FBXL13: variants seen among roughly 807,000 people sequenced by gnomAD.
FBXL13 encodes the protein F-box and leucine-rich repeat protein 13.
In FBXL13, 67 loss-of-function variants were observed where a neutral mutation model predicts 83.6. The observed-to-expected ratio is 0.80, with a 90% CI of 0.66 to 0.98. The LOEUF is 0.98. Among genes scored for constraint, FBXL13 ranks in the 50% least tolerant of loss-of-function variants. The pLI is 0.00. For synonymous variants in FBXL13, 272 were observed against 299.5 expected, an observed-to-expected ratio of 0.91 and a Z score of 0.95; for missense variants, 822 against 866.5, an observed-to-expected ratio of 0.95 and a Z score of 0.64.
intron 6 of FBXL13, among the ~76,000 whole-genome samples, chr7:103,018,155 G>A (rs1032155292): frequency 1.3e-5 from 2 of 152,222 alleles, no homozygotes; most frequent in Non-Finnish European, 2.9e-5. Flanking sequence ...CCAGAAGAGA[G>A]TGGGGGCCAA....
At chr7:102,973,911 G>T (rs764525127) in intron 6 of FBXL13, 1 of 655,610 alleles carries the variant, frequency 1.5e-6, no homozygotes, top group Non-Finnish European at 2.7e-6. Context: ...TTAGGGGGAC[G>T]CCTCTAAGCC....
chr7:103,010,797 C>T (rs1472141263), intron 6 of FBXL13, among the ~76,000 whole-genome samples: 4 of 152,160 alleles, frequency 2.6e-5, no homozygotes, highest in Non-Finnish European at 4.4e-5. Flanking sequence ...AGGAAGCACA[C>T]AGACAGAAGA....
chr7:102,913,675 G>A (rs1815225243), intron 10 of FBXL13, among the ~76,000 whole-genome samples: 1 of 152,136 alleles, frequency 6.6e-6, no homozygotes, highest in South Asian at 2.1e-4. Flanking sequence ...AGGAGAGTGA[G>A]GATTTGGGAC....
At chr7:103,055,736 A>G in exon 2 of FBXL13, 2 of 1,271,110 alleles carry the variant, frequency 1.6e-6, no homozygotes, top group South Asian at 1.3e-5. Flanking sequence ...CAAGTATACC[A>G]CATAACAGTG....
At chr7:102,926,399 G>C in intron 9 of FBXL13, 25 bp from the exon 11 acceptor site, 1 of 1,573,170 alleles carries the variant, frequency 6.4e-7, no homozygotes, top group Non-Finnish European at 8.7e-7. Context: ...GAGGGAAGAG[G>C]CTTATCAAAT....
intron 1 of FBXL13, among the ~76,000 whole-genome samples, chr7:103,070,104 C>T (rs1798800226): frequency 6.7e-6 from 1 of 149,894 alleles, no homozygotes; most frequent in Non-Finnish European, 1.5e-5. Flanking sequence ...AAAGAAATTA[C>T]TAGGTATGTA....
intron 2 of FBXL13, among the ~76,000 whole-genome samples, chr7:103,045,422 A>G (rs184844303): frequency 6.6e-6 from 1 of 152,304 alleles, no homozygotes; most frequent in East Asian, 1.9e-4. Flanking sequence ...CATTTTCTCA[A>G]TTTTGAGAGA....
intron 11 of FBXL13, 111 bp from the exon 13 acceptor site, chr7:102,884,423 C>A: frequency 2.6e-6 from 2 of 759,112 alleles, no homozygotes; most frequent in Non-Finnish European, 4.5e-6. Context: ...TTAAAATTAA[C>A]CATAAAATGT....
intron 2 of FBXL13, among the ~76,000 whole-genome samples, chr7:103,053,287 G>A (rs907342553): frequency 2.6e-5 from 4 of 151,598 alleles, no homozygotes; most frequent in South Asian, 2.1e-4. Flanking sequence ...TGAGTAGCTG[G>A]GATTACAGGC....
chr7:102,811,200 A>G (rs1006050205), downstream of FBXL13, among the ~76,000 whole-genome samples: 2 of 152,044 alleles, frequency 1.3e-5, no homozygotes, highest in Non-Finnish European at 2.9e-5. Context: ...CATAAGCATA[A>G]CAGCAGTCAA....
intron 11 of FBXL13, among the ~76,000 whole-genome samples, chr7:102,892,471 A>G (rs1483922374): frequency 6.6e-6 from 1 of 152,210 alleles, no homozygotes; most frequent in Non-Finnish European, 1.5e-5. Flanking sequence ...TAAATTCTAC[A>G]ATTTTTTTTC....
At chr7:102,953,869 T>A (rs1823810278) in intron 8 of FBXL13, among the ~76,000 whole-genome samples, 1 of 152,314 alleles carries the variant, frequency 6.6e-6, no homozygotes, top group South Asian at 2.1e-4. Flanking sequence ...AATAGTATAT[T>A]TTCTATGTAT....
At chr7:102,902,454 C>T (rs570648226) in intron 11 of FBXL13, among the ~76,000 whole-genome samples, 1 of 152,078 alleles carries the variant, frequency 6.6e-6, no homozygotes, top group South Asian at 2.1e-4. Context: ...CTCATTTGTC[C>T]ATGTTTGCTT....
intron 6 of FBXL13, among the ~76,000 whole-genome samples, chr7:102,987,868 C>T (rs1543987): frequency 0.98 from 149,643 of 152,320 alleles, 73,579 homozygotes; most frequent in East Asian, 1. Flanking sequence ...AAGCTGAACA[C>T]GCTAGGGGGT....
At chr7:102,822,153 G>A (rs1355333173) in exon 19 of FBXL13, 32 of 1,614,044 alleles carry the variant, frequency 2.0e-5, no homozygotes, top group Non-Finnish European at 2.5e-5. Flanking sequence ...TATCCAAAAT[G>A]TGCAGGTAAT....
chr7:102,973,343 G>T (rs906440095), intron 6 of FBXL13: 2 of 632,820 alleles, frequency 3.2e-6, no homozygotes, highest in South Asian at 1.6e-5. Context: ...GAAGAGAGCC[G>T]GCCAGAAGAC....
At chr7:102,866,209 T>C (rs1807624554) in intron 16 of FBXL13, among the ~76,000 whole-genome samples, 1 of 152,174 alleles carries the variant, frequency 6.6e-6, no homozygotes, top group Non-Finnish European at 1.5e-5. Flanking sequence ...TCCTACTTGA[T>C]GGAGGTAGAG....
intron 2 of FBXL13, 68 bp from the exon 3 acceptor site, chr7:103,055,246 GT>G: frequency 1.2e-6 from 1 of 849,992 alleles, no homozygotes; most frequent in Non-Finnish European, 1.6e-6. Flanking sequence ...AATTAAATCA[GT>G]GATTCTTGTA....
intron 6 of FBXL13, among the ~76,000 whole-genome samples, chr7:102,987,194 T>C (rs973728689): frequency 6.6e-6 from 1 of 152,052 alleles, no homozygotes; most frequent in Non-Finnish European, 1.5e-5. Context: ...AAAAATAGTA[T>C]ACTATGTACA....
Sources: allele counts gnomAD v4.1 joint callset (sites outside exome capture counted in the v4.1 genomes callset), GRCh38; gene constraint gnomAD v4.1.1; transcripts MANE v1.5; gene names NCBI Gene and HGNC (gene_info 2026-07-23, HGNC 2026-07-21).